Variants in ARHGEF39 observed in about 807,000 individuals in gnomAD.
ARHGEF39 encodes the protein Rho guanine nucleotide exchange factor 39, also known as Rho guanine nucleotide exchange factor (GEF) 39.
Under a neutral mutation model 47.5 loss-of-function variants are expected in ARHGEF39, and 45 were observed. The observed-to-expected ratio is 0.95, with a 90% CI of 0.75 to 1.22. ARHGEF39 has a LOEUF of 1.22. ARHGEF39 is among the 50% of genes most tolerant of loss of function. ARHGEF39 has a pLI of 0.00. For missense variants in ARHGEF39, 411 were observed against 425.3 expected (o/e 0.97, Z 0.30); for synonymous variants, 164 against 167.8 (o/e 0.98, Z 0.17).
chr9:35,663,063 G>A lies in ARHGEF39; in HGVS notation c.556C>T (p.Leu186=). The part of the protein sequence containing the change: ...DHQQLTRAAR[L]ISETAQRVHT... ...ACTCTCTGGGCAGTCTCACTTATCA[G>A]TCGGGCAGCCCCTGGAATAACATCT... Residue 186 remains leucine (L), a synonymous_variant, in exon 6 of 9, where the codon CTG becomes TTG. Coordinates refer to ENST00000378387, the MANE Select transcript of ARHGEF39 (RefSeq NM_032818.3). 1.9e-6 allele frequency: 3 copies of A among 1,613,778 alleles called. No individual in the cohort carries two copies. Among genetic ancestry groups the A allele is most frequent in the Non-Finnish European group, 2.5e-6 (3 of 1,179,784 alleles).
Position 35,660,604 on chromosome 9 carries a change from C to T in ARHGEF39, c.*1383G>A. ...ACAACAGCTGGCCCAGACAGAGCAGCACCTGAACAACCTGATGGCCCAGCT... is the reference window on the plus strand; with the variant it reads ...ACAACAGCTGGCCCAGACAGAGCAGTACCTGAACAACCTGATGGCCCAGCT... On this transcript the variant is annotated 3_prime_UTR_variant, in exon 9 of 9. Transcript: ENST00000378387. 6.2e-7 allele frequency: 1 copy of T among 1,614,184 alleles called. No homozygotes were observed.
In ARHGEF39 at chr9:35,660,509, G is replaced by A. The variant is rs1454321289; in HGVS notation, c.*1478C>T. The A allele has an allele frequency of 2.5e-6, 4 of 1,613,336 alleles. No individual in the cohort carries two copies. The highest frequency in any genetic ancestry group is 2.2e-5 in the South Asian group (2 of 91,006). On this transcript the variant is annotated 3_prime_UTR_variant, in exon 9 of 9. Coordinates refer to ENST00000378387, the MANE Select transcript of ARHGEF39 (RefSeq NM_032818.3). Reference sequence around the variant, plus strand: ...CTGGGTCGGGGGAGTTTAGGGGACAGCAGAAGATACATAACCACTTCTGCC... The same window carrying A: ...CTGGGTCGGGGGAGTTTAGGGGACAACAGAAGATACATAACCACTTCTGCC...
At position 35,663,158 on chromosome 9, in the gene ARHGEF39, C is replaced by A. The variant is rs1824059886; in HGVS notation, c.545-84G>T. ...GTGAAAGAGGTTATTCTGGAAGGGA[C>A]CAGGGTCAGGGTCTGACTTCTTGAA... On this transcript the variant is annotated intron_variant, in intron 5 of 8. Coordinates refer to ENST00000378387, the MANE Select transcript of ARHGEF39 (RefSeq NM_032818.3). The A allele has an allele frequency of 7.5e-6, 12 of 1,602,330 alleles. No individual in the cohort carries two copies. In the South Asian group the frequency reaches 1.3e-4, roughly 18 times the overall value.
chr9:35,664,680 T>A (rs1824142241), intron 2 of ARHGEF39, 76 bp downstream of exon 2: 1 of 1,515,522 alleles, frequency 6.6e-7, no homozygotes, highest in Admixed American at 2.2e-5. Context: ...AGAACCTAAG[T>A]CTGACTCCAA....
Position 35,665,032 on chromosome 9 carries a change from C to T in ARHGEF39, c.138G>A (p.Thr46=), listed in dbSNP as rs144194187. The T allele has an allele frequency of 6.7e-4, 1,046 of 1,555,970 alleles. 1 individual carries two copies. The highest frequency in any genetic ancestry group is 8.3e-4 in the Non-Finnish European group (951 of 1,151,344). Residue 46 remains threonine, a splice_region_variant and synonymous_variant, in exon 1 of 9, where the codon ACG becomes ACA. Transcript: ENST00000378387. ...RYQEQLGLVA[T]YFLGILKAKG... is the part of the protein sequence containing the mutation. ...TGGGAGCGTGTGCCAGGTCCCCCAC[C>T]GTGGCCACCAGCCCCAGCTGTTCTT...
chr9:35,660,249 A>C lies in ARHGEF39; in HGVS notation c.*1738T>G. On this transcript the variant is annotated 3_prime_UTR_variant, in exon 9 of 9. Transcript: ENST00000378387. ...ACGTCGCTTCATATGCTGGGTGAGG[A>C]GCTAGATAGACTAGGATTGTGATTC... The C allele has an allele frequency of 1.5e-6, 1 of 651,352 alleles. No individual in the cohort carries two copies. Among genetic ancestry groups the C allele is most frequent in the Non-Finnish European group, 2.7e-6 (1 of 376,182 alleles). 40.3% of individuals were successfully genotyped at this position (651,352 alleles called of 1,614,324 possible).
In ARHGEF39 at chr9:35,663,003, G is replaced by A. The variant is rs747091479; in HGVS notation, c.616C>T (p.His206Tyr). 1.2e-6 allele frequency: 2 copies of A among 1,610,804 alleles called. No homozygotes were observed. The highest frequency in any genetic ancestry group is 4.5e-5 in the East Asian group (2 of 44,888). Residue 206 changes from histidine (H) to tyrosine (Y), a missense_variant, in exon 6 of 9, where the codon CAC becomes TAC. By Grantham distance (83) the His-to-Tyr change is moderately conservative (BLOSUM62 2). Coordinates refer to ENST00000378387, the MANE Select transcript of ARHGEF39 (RefSeq NM_032818.3). ...AGCAGAGCCTGGACACGCCGAAGGTGCTGGTCATTCTTCTGTTTCTGACCA... is the reference window on the plus strand; with the variant it reads ...AGCAGAGCCTGGACACGCCGAAGGTACTGGTCATTCTTCTGTTTCTGACCA... Reference protein sequence around the residue: ...TIGQKQKNDQHLRRVQALLSG... With the variant: ...TIGQKQKNDQYLRRVQALLSG...
chr9:35,662,366 G>T (rs1317371183), intron 7 of ARHGEF39, 99 bp from the exon 8 acceptor site: 1 of 1,403,606 alleles, frequency 7.1e-7, no homozygotes. Context: ...ATGAGACAAT[G>T]ACTAGGTATG....
rs533238908 is a variant in ARHGEF39 at position 35,662,634 on chromosome 9, G to T, written c.781C>A (p.Arg261=). Residue 261 remains arginine, a synonymous_variant, in exon 7 of 9, where the codon CGG becomes AGG. Coordinates refer to ENST00000378387, the MANE Select transcript of ARHGEF39 (RefSeq NM_032818.3). ...CTCCGCAGCAGGTGCAGTGGAGGCCGAGGCTTGGCCATGAGGAGCACATCA... is the reference window on the plus strand; with the variant it reads ...CTCCGCAGCAGGTGCAGTGGAGGCCTAGGCTTGGCCATGAGGAGCACATCA... ...FTDVLLMAKP[R]PPLHLLRSGT... 6.2e-7 allele frequency: 1 copy of T among 1,613,692 alleles called. No homozygotes were observed.
rs1824105444 is a variant in ARHGEF39, at chr9:35,663,971, A to G, written c.473+37T>C. The G allele has an allele frequency of 3.8e-6, 6 of 1,593,004 alleles. No homozygotes were observed. In the Admixed American group the frequency reaches 5.0e-5, roughly 13 times the overall value. ...GCTGAGGGCAGCAGTCATACAAACT[A>G]AAAGAGAGAGGCGGCTGGAATCAAG... On this transcript the variant is annotated intron_variant, in intron 4 of 8. Transcript: ENST00000378387.
In ARHGEF39 at chr9:35,659,710, T is replaced by C. The variant is rs575676629; in HGVS notation, c.*2277A>G. 2.0e-5 allele frequency: 3 copies of C among 152,298 alleles called. No individual in the cohort carries two copies. The highest frequency in any genetic ancestry group is 4.1e-4 in the South Asian group (2 of 4,826). 9.4% of individuals were successfully genotyped at this position (152,298 alleles called of 1,614,324 possible). On this transcript the variant is annotated 3_prime_UTR_variant, in exon 9 of 9. Transcript: ENST00000378387. ...AAAAACTCAGGAAAGTGGGTGAGGG[T>C]GTGACCATTGCCTTCAAATTCCTGA...
At position 35,662,159 on chromosome 9, in the gene ARHGEF39, T is replaced by C; in HGVS notation, c.992+20A>G. ...GTGGGCCTCATCACAGCACCCTTCC[T>C]GGGGGAAGACACAACTTACCTGATA... On this transcript the variant is annotated intron_variant, in intron 8 of 8. Coordinates refer to ENST00000378387, the MANE Select transcript of ARHGEF39 (RefSeq NM_032818.3). 6.2e-7 allele frequency: 1 copy of C among 1,611,872 alleles called. No homozygotes were observed. The highest frequency in any genetic ancestry group is 8.5e-7 in the Non-Finnish European group (1 of 1,177,904).
At position 35,663,328 on chromosome 9, in the gene ARHGEF39, G is replaced by A; in HGVS notation, c.538C>T (p.Leu180Phe). 6.2e-7 allele frequency: 1 copy of A among 1,614,024 alleles called. No homozygotes were observed. Among genetic ancestry groups the A allele is most frequent in the East Asian group, 2.2e-5 (1 of 44,892 alleles). The change falls in exon 5 of 9, where the codon CTC (leucine) becomes TTC (phenylalanine). Residue 180 changes from leucine (L) to phenylalanine (F), a missense_variant. Transcript: ENST00000378387. ...CCGAGGAGCAAGAACCTACGTGTGAGCTGTTGATGGTCAGGGCTGTTGGGA... is the reference window on the plus strand; with the variant it reads ...CCGAGGAGCAAGAACCTACGTGTGAACTGTTGATGGTCAGGGCTGTTGGGA... ...TGPNSPDHQQ[L>F]TRAARLISET...
In ARHGEF39 at chr9:35,664,085, C is replaced by T; in HGVS notation, c.396G>A (p.Arg132=). The change falls in exon 4 of 9, where the codon CGG becomes CGA. Residue 132 remains arginine (R), a synonymous_variant. Transcript: ENST00000378387. The part of the protein sequence containing the change: ...KKNKGFRRFV[R]LQEGRPEFGG... ...CAAACTCAGGGCGGCCTTCCTGAAG[C>T]CGTACAAACCTCCGGAAACCTTTAT... 2.5e-6 allele frequency: 4 copies of T among 1,614,122 alleles called. No homozygotes were observed. The African/African-American group carries it at 4.0e-5, about 16-fold the overall frequency.
rs778898090 is a variant in ARHGEF39, at chr9:35,662,215, A to C, written c.956T>G (p.Leu319Arg). Reference protein sequence around the residue: ...LLLMSTDQEELSRWYHSLTWA... With the variant: ...LLLMSTDQEERSRWYHSLTWA... ...AGTCAGACTGTGGTACCAGCGTGACAGCTCCTCCTGGTCTGTGGACATAAG... is the reference window on the plus strand; with the variant it reads ...AGTCAGACTGTGGTACCAGCGTGACCGCTCCTCCTGGTCTGTGGACATAAG... The change falls in exon 8 of 9, where the codon CTG becomes CGG. Residue 319 changes from leucine to arginine, a missense_variant. By Grantham distance (102) the Leu-to-Arg change is moderately radical. Transcript: ENST00000378387. 5 of 1,614,092 alleles carry C rather than the reference A, an allele frequency of 3.1e-6. No homozygotes were observed. The highest frequency in any genetic ancestry group is 1.1e-5 in the South Asian group (1 of 91,088).
intron 2 of ARHGEF39, 31 bp downstream of exon 2, chr9:35,664,725 C>T (rs749169323): frequency 1.9e-6 from 3 of 1,593,416 alleles, no homozygotes; most frequent in Non-Finnish European, 2.6e-6. Context: ...GACTCTCCCT[C>T]CTTTCCTCTC....
rs780020878 is a variant in ARHGEF39, at chr9:35,663,065, C to T, written c.554G>A (p.Arg185Gln). 35 of 1,613,656 alleles carry T rather than the reference C, an allele frequency of 2.2e-5. No homozygotes were observed. Among genetic ancestry groups the T allele is most frequent in the Admixed American group, 5.0e-5 (3 of 60,008 alleles). ...TCTCTGGGCAGTCTCACTTATCAGTCGGGCAGCCCCTGGAATAACATCTCC... is the reference window on the plus strand; with the variant it reads ...TCTCTGGGCAGTCTCACTTATCAGTTGGGCAGCCCCTGGAATAACATCTCC... ...PDHQQLTRAA[R>Q]LISETAQRVH... is the part of the protein sequence containing the mutation. The change falls in exon 6 of 9, where the codon CGA becomes CAA. Residue 185 changes from arginine to glutamine, a missense_variant. Arg to Gln is a conservative substitution (Grantham distance 43). Coordinates refer to ENST00000378387, the MANE Select transcript of ARHGEF39 (RefSeq NM_032818.3).
intron 7 of ARHGEF39, 28 bp from the exon 8 acceptor site, chr9:35,662,295 G>A (rs1323643211): frequency 1.3e-6 from 2 of 1,594,008 alleles, no homozygotes; most frequent in South Asian, 2.2e-5. Context: ...CTTAGCGCAT[G>A]GCTCAGAAAG....
intron 3 of ARHGEF39, 38 bp from the exon 4 acceptor site, chr9:35,664,164 A>C (rs749003943): frequency 6.3e-7 from 1 of 1,588,266 alleles, no homozygotes; most frequent in Non-Finnish European, 8.6e-7. Flanking sequence ...CAGGGAGAGA[A>C]GCCACTCCTT....
Sources: gnomAD v4.1 joint callset for allele counts on GRCh38, gnomAD v4.1.1 for gene constraint, MANE v1.5 for transcripts, NCBI Gene and HGNC (gene_info 2026-07-23, HGNC 2026-07-21) for gene names.